The following LRRTM3 variants were observed in gnomAD, a reference collection of about 807,000 sequenced individuals.
LRRTM3 encodes the protein leucine-rich repeat transmembrane neuronal protein 3.
Under a neutral mutation model 44.7 loss-of-function variants are expected in LRRTM3, and 24 were observed. That is an observed-to-expected ratio of 0.54 (90% CI 0.39 to 0.76). The LOEUF (loss-of-function observed/expected upper bound fraction) is 0.76, where lower values mean the gene tolerates loss of function less well. Ranked by LOEUF, LRRTM3 falls within the 30% of genes least tolerant of loss-of-function variation. The pLI is 0.00. For missense variants in LRRTM3, 587 were observed against 702.2 expected (o/e 0.84, Z 1.85); for synonymous variants, 277 against 278.7 (o/e 0.99, Z 0.06).
At chr10:66,940,613 C>T (rs1219310708) in intron 2 of LRRTM3, among the ~76,000 whole-genome samples, 1 of 152,044 alleles carries the variant, frequency 6.6e-6, no homozygotes, top group Non-Finnish European at 1.5e-5. Context: ...AATATGAAAC[C>T]CACAAATTAT....
rs1177543083 is a variant in LRRTM3 at position 66,992,537 on chromosome 10, C to CT, written c.1536+64094dup. ...CTTCCAGTTTGTGGCTTGTCCTTTA[C>CT]TTTTTTTTTAATGGCAACAGAAATT... On this transcript the variant is annotated intron_variant, in intron 2 of 2. Coordinates refer to ENST00000361320, the MANE Select transcript of LRRTM3 (RefSeq NM_178011.5). Among the ~76,000 whole-genome samples the CT allele has an allele frequency of 8.2e-3, 1,234 of 149,936 alleles. 19 individuals carry two copies. The highest frequency in any genetic ancestry group is 0.028 in the African/African-American group (1,155 of 41,008).
chr10:66,927,661 T>C lies in LRRTM3; in HGVS notation c.745T>C (p.Ser249Pro), dbSNP rs751566718. The change falls in exon 2 of 3, where the codon TCC (serine) becomes CCC (proline). Residue 249 changes from serine to proline, a missense_variant. Around this residue, in one of 3 missense-constraint regions of LRRTM3, gnomAD observed 222 missense variants for 323.3 expected, o/e 0.69. Transcript: ENST00000361320. This position sits in a 1 kb window ranked among gnomAD's most constrained non-coding sequence, Gnocchi z 4.7. Reference sequence around the variant, plus strand: ...AATCAGTGTCATAGGACAGACCATGTCCTGGACCTGGAGCTCCTTACAAAG... The same window carrying C: ...AATCAGTGTCATAGGACAGACCATGCCCTGGACCTGGAGCTCCTTACAAAG... Reference protein sequence around the residue: ...NKISVIGQTMSWTWSSLQRLD... With the variant: ...NKISVIGQTMPWTWSSLQRLD... 1 of 1,614,186 alleles carries C rather than the reference T, an allele frequency of 6.2e-7. No individual in the cohort carries two copies. The highest frequency in any genetic ancestry group is 8.5e-7 in the Non-Finnish European group (1 of 1,180,018).
At chr10:67,045,958 C>T (rs796878403) in intron 2 of LRRTM3, among the ~76,000 whole-genome samples, 8 of 152,176 alleles carry the variant, frequency 5.3e-5, no homozygotes, top group African/African-American at 1.9e-4. Flanking sequence ...CTTTTTTTCT[C>T]TCTTAAGTAT....
At chr10:67,003,304 G>T (rs1226466564) in intron 2 of LRRTM3, among the ~76,000 whole-genome samples, 1 of 152,082 alleles carries the variant, frequency 6.6e-6, no homozygotes, top group Non-Finnish European at 1.5e-5. Context: ...GGTGTCTTCT[G>T]CTTTAACCCT....
chr10:67,084,252 A>C (rs1857192076), intron 2 of LRRTM3, among the ~76,000 whole-genome samples: 1 of 151,870 alleles, frequency 6.6e-6, no homozygotes, highest in African/African-American at 2.4e-5. Context: ...AATGGTTGGC[A>C]AAAATCTACA....
chr10:67,095,562 G>A (rs947438887), intron 2 of LRRTM3, among the ~76,000 whole-genome samples: 12 of 151,710 alleles, frequency 7.9e-5, no homozygotes, highest in Non-Finnish European at 1.6e-4. Context: ...GAAATTGTGT[G>A]TGCACACACA....
intron 2 of LRRTM3, among the ~76,000 whole-genome samples, chr10:67,002,604 T>A (rs1246199119): frequency 6.6e-6 from 1 of 152,156 alleles, no homozygotes; most frequent in Non-Finnish European, 1.5e-5. Context: ...AGGTAAATTA[T>A]CTCAGAGCTG....
intron 2 of LRRTM3, among the ~76,000 whole-genome samples, chr10:67,038,951 T>C (rs1400828458): frequency 1.3e-5 from 2 of 152,100 alleles, no homozygotes; most frequent in African/African-American, 2.4e-5. Flanking sequence ...AATAGTCTTT[T>C]GAGAAGATTC....
chr10:67,080,918 AAAAAAAC>A (rs1382957677), intron 2 of LRRTM3, among the ~76,000 whole-genome samples: 10 of 99,002 alleles, frequency 1.0e-4, no homozygotes, highest in African/African-American at 2.7e-4. Context: ...GAAAAAAAAC[AAAAAAAC>A]AAAAAAACAA....
At chr10:67,057,154 T>C (rs1190742050) in intron 2 of LRRTM3, among the ~76,000 whole-genome samples, 1 of 152,206 alleles carries the variant, frequency 6.6e-6, no homozygotes, top group Non-Finnish European at 1.5e-5. Context: ...TATTGAGATA[T>C]AATTGACAAA....
rs906423317 is a variant in LRRTM3 at position 66,954,010 on chromosome 10, A to C, written c.1536+25558A>C. On this transcript the variant is annotated intron_variant, in intron 2 of 2. Transcript: ENST00000361320. ...AAAATAATTAGAACAAAGCTGGTGC[A>C]TAGTAAGTGCTCGCAAATACTAGCT... Among the ~76,000 whole-genome samples, 22 of 152,208 alleles carry C rather than the reference A, an allele frequency of 1.4e-4. 1 individual carries two copies. Among genetic ancestry groups the C allele is most frequent in the African/African-American group, 4.1e-4 (17 of 41,464 alleles).
At chr10:67,050,121 C>A (rs538457809) in intron 2 of LRRTM3, among the ~76,000 whole-genome samples, 1 of 152,134 alleles carries the variant, frequency 6.6e-6, no homozygotes, top group Non-Finnish European at 1.5e-5. Flanking sequence ...TTCCATTGCC[C>A]GGATTTCTTG....
At chr10:66,955,725 T>G (rs562654020) in intron 2 of LRRTM3, among the ~76,000 whole-genome samples, 1 of 152,278 alleles carries the variant, frequency 6.6e-6, no homozygotes, top group Non-Finnish European at 1.5e-5. Flanking sequence ...GCCTCCATTG[T>G]TCTTCCTCTT....
chr10:67,026,067 A>G (rs1045209174), intron 2 of LRRTM3, among the ~76,000 whole-genome samples: 26 of 145,822 alleles, frequency 1.8e-4, no homozygotes, highest in African/African-American at 5.5e-4. Flanking sequence ...ATGAGAACAC[A>G]TGGACACAGG....
At chr10:67,042,354 A>G (rs1336546582) in intron 2 of LRRTM3, among the ~76,000 whole-genome samples, 3 of 152,122 alleles carry the variant, frequency 2.0e-5, no homozygotes, top group Non-Finnish European at 2.9e-5. Flanking sequence ...AATAAAAAAC[A>G]TGATTTGACT....
intron 2 of LRRTM3, among the ~76,000 whole-genome samples, chr10:67,072,290 C>T (rs1329388087): frequency 6.6e-6 from 1 of 152,094 alleles, no homozygotes; most frequent in East Asian, 1.9e-4. Context: ...CTTCTCCAAT[C>T]GAATTTTCTT....
At chr10:66,978,960 CTTTTTTTTTT>C (rs34112681) in intron 2 of LRRTM3, among the ~76,000 whole-genome samples, 1 of 83,782 alleles carries the variant, frequency 1.2e-5, no homozygotes, top group African/African-American at 4.5e-5. Context: ...TACTTATTTC[CTTTTTTTTTT>C]TTTTTTTTTT....
chr10:67,016,915 G>C (rs955879860), intron 2 of LRRTM3, among the ~76,000 whole-genome samples: 2 of 152,056 alleles, frequency 1.3e-5, no homozygotes, highest in Non-Finnish European at 2.9e-5. Flanking sequence ...ATCAAAATAA[G>C]TTTTACCATC....
chr10:66,964,366 C>T (rs1384115506), intron 2 of LRRTM3, among the ~76,000 whole-genome samples: 1 of 151,614 alleles, frequency 6.6e-6, no homozygotes, highest in Admixed American at 6.6e-5. Context: ...ATAAATCACT[C>T]TACCTTGTTT....
Sources: allele counts gnomAD v4.1 joint callset (sites outside exome capture counted in the v4.1 genomes callset), GRCh38; gene constraint gnomAD v4.1.1; regional missense constraint gnomAD v4.1.1; non-coding constraint Gnocchi (gnomAD v3.1); transcripts MANE v1.5; gene names NCBI Gene and HGNC (gene_info 2026-07-23, HGNC 2026-07-21).